RBFOX2: variants seen among roughly 807,000 people sequenced by gnomAD.
RBFOX2 encodes the protein RNA binding protein fox-1 homolog 2.
RBFOX2 carries 10 observed loss-of-function variants against 49.1 expected under a neutral mutation model. That is an observed-to-expected ratio of 0.20 (90% CI 0.13 to 0.35). The LOEUF (loss-of-function observed/expected upper bound fraction) is 0.35. Ranked by LOEUF, RBFOX2 falls within the 10% of genes least tolerant of loss-of-function variation. The probability of loss-of-function intolerance (pLI) is 1.00; values close to 1 mark genes in which losing one functional copy is unlikely to be tolerated. For synonymous variants in RBFOX2, 183 were observed against 187.4 expected, an observed-to-expected ratio of 0.98 and a Z score of 0.19; for missense variants, 323 against 486.9, an observed-to-expected ratio of 0.66 and a Z score of 3.17.
chr22:35,843,081 G>A (rs1345818405), upstream of RBFOX2, among the ~76,000 whole-genome samples: 2 of 152,172 alleles, frequency 1.3e-5, no homozygotes, highest in Non-Finnish European at 2.9e-5. Flanking sequence ...TGTGTCCCTG[G>A]TATTATAGAG....
intron 1 of RBFOX2, among the ~76,000 whole-genome samples, chr22:35,834,816 G>C (rs760944338): frequency 3.9e-5 from 6 of 152,160 alleles, no homozygotes; most frequent in Non-Finnish European, 7.4e-5. Flanking sequence ...TGATCATGCA[G>C]GGTCACAGGA....
In RBFOX2 at chr22:35,906,721, A is replaced by G. The variant is rs371120650; in HGVS notation, c.-34+32126T>C. 2.4e-4 allele frequency among the ~76,000 whole-genome samples: 37 copies of G among 152,246 alleles called. No homozygotes were observed. The East Asian group carries it at 5.4e-3, about 22-fold the overall frequency. ...GTCCAGCTACTTGGGTGGCTGAGTC[A>G]CAAGAATTGCTTGAACCCAGGAAGT... On this transcript the variant is annotated intron_variant, in intron 1 of 13. Transcript: ENST00000359369.
At chr22:35,994,581 T>C (rs1452571004) in intron 1 of RBFOX2, 1 of 151,818 alleles carries the variant, frequency 6.6e-6, no homozygotes, top group Non-Finnish European at 1.5e-5. Context: ...AATTTTTTAA[T>C]TTTTTGTAGA....
intron 1 of RBFOX2, among the ~76,000 whole-genome samples, chr22:35,811,185 T>C (rs541007705): frequency 1.2e-4 from 19 of 152,016 alleles, no homozygotes; most frequent in Non-Finnish European, 2.4e-4. Context: ...TGCCACAGTC[T>C]AGATAAAAAG....
intron 1 of RBFOX2, among the ~76,000 whole-genome samples, chr22:36,026,124 G>C (rs2059423724): frequency 6.6e-6 from 1 of 152,020 alleles, no homozygotes; most frequent in African/African-American, 2.4e-5. Flanking sequence ...AAATTAGCTG[G>C]GCATGGTGGC....
chr22:35,782,925 C>T (rs151146333), intron 2 of RBFOX2, among the ~76,000 whole-genome samples: 98 of 152,174 alleles, frequency 6.4e-4, no homozygotes, highest in African/African-American at 2.3e-3. Flanking sequence ...TAACCCAATA[C>T]GCTCACACAT....
At chr22:35,852,700 T>C (rs1331419721) in intron 1 of RBFOX2, among the ~76,000 whole-genome samples, 2 of 152,180 alleles carry the variant, frequency 1.3e-5, no homozygotes, top group Non-Finnish European at 2.9e-5. Flanking sequence ...ATATGAAGAC[T>C]GGAAAATGAT....
At chr22:35,897,249 T>A (rs772476401) in intron 1 of RBFOX2, 65 of 1,446,562 alleles carry the variant, frequency 4.5e-5, no homozygotes, top group Non-Finnish European at 6.0e-5. Context: ...AAACCAAGAG[T>A]TGCTCGGGAG....
intron 3 of RBFOX2, among the ~76,000 whole-genome samples, chr22:35,779,963 C>G (rs1249459861): frequency 6.6e-6 from 1 of 152,158 alleles, no homozygotes; most frequent in African/African-American, 2.4e-5. Flanking sequence ...AGAATGTACT[C>G]CATTCTCACA....
intron 1 of RBFOX2, among the ~76,000 whole-genome samples, chr22:35,863,892 C>G (rs2149111502): frequency 6.6e-6 from 1 of 152,284 alleles, no homozygotes; most frequent in South Asian, 2.1e-4. Context: ...GAAGTTGCCC[C>G]TCCTCACTTC....
chr22:35,905,938 T>C (rs1461465840), intron 1 of RBFOX2, among the ~76,000 whole-genome samples: 2 of 152,196 alleles, frequency 1.3e-5, no homozygotes, highest in Non-Finnish European at 2.9e-5. Context: ...TGTGTTACAA[T>C]TGCCTACAGT....
At chr22:35,771,345 C>T (rs1323215860) in intron 4 of RBFOX2, among the ~76,000 whole-genome samples, 1 of 152,162 alleles carries the variant, frequency 6.6e-6, no homozygotes, top group African/African-American at 2.4e-5. Flanking sequence ...CCATTGCTGG[C>T]TCTGAAGACA....
chr22:36,000,003 A>ATTTT (rs200510007), intron 1 of RBFOX2: 39 of 89,716 alleles, frequency 4.3e-4, no homozygotes, highest in Non-Finnish European at 6.0e-4. Flanking sequence ...ATATATATAT[A>ATTTT]TATTTTTTTT....
intron 1 of RBFOX2, among the ~76,000 whole-genome samples, chr22:35,930,073 G>A (rs2052187194): frequency 7.0e-6 from 1 of 143,172 alleles, no homozygotes; most frequent in African/African-American, 2.7e-5. Flanking sequence ...CCAGGCTCGA[G>A]TGCAGTGGCA....
chr22:35,752,158 A>T (rs1935187811), intron 9 of RBFOX2, among the ~76,000 whole-genome samples: 1 of 152,168 alleles, frequency 6.6e-6, no homozygotes, highest in Non-Finnish European at 1.5e-5. Context: ...TCCAATTACA[A>T]CTGGTATCTC....
At chr22:35,775,768 G>A (rs564246464) in intron 4 of RBFOX2, among the ~76,000 whole-genome samples, 11 of 150,538 alleles carry the variant, frequency 7.3e-5, no homozygotes, top group Non-Finnish European at 1.5e-4. Context: ...TTGAACCCAG[G>A]AGGCGGAGGT....
chr22:36,001,225 ACACACACACT>A (rs1289106291), intron 1 of RBFOX2, among the ~76,000 whole-genome samples: 68 of 119,834 alleles, frequency 5.7e-4, no homozygotes, highest in African/African-American at 2.1e-3. Context: ...ACACACACAC[ACACACACACT>A]ATATGTATAT....
chr22:35,853,659 G>A (rs1244440258), intron 1 of RBFOX2, among the ~76,000 whole-genome samples: 2 of 17,398 alleles, frequency 1.1e-4, no homozygotes, highest in Middle Eastern at 0.023. Flanking sequence ...ATATACACAC[G>A]TGTGTGTGTG....
chr22:35,953,661 T>C (rs1039315327), intron 1 of RBFOX2, among the ~76,000 whole-genome samples: 3 of 152,224 alleles, frequency 2.0e-5, no homozygotes, highest in East Asian at 1.9e-4. Context: ...TTATGTTATA[T>C]GAATTTAACC....
Sources: allele counts gnomAD v4.1 joint callset (sites outside exome capture counted in the v4.1 genomes callset), GRCh38; gene constraint gnomAD v4.1.1; transcripts MANE v1.5; gene names NCBI Gene and HGNC (gene_info 2026-07-23, HGNC 2026-07-21).